The following ATXN2 variants were observed in gnomAD, a reference collection of about 807,000 sequenced individuals.
The protein encoded by ATXN2 is ataxin-2.
A neutral mutation model predicts 138.6 loss-of-function variants in ATXN2; 37 were observed. That is an observed-to-expected ratio of 0.27 (90% CI 0.21 to 0.35). The LOEUF is 0.35. Among genes scored for constraint, ATXN2 ranks in the 10% least tolerant of loss-of-function variants. The pLI is 1.00. For missense variants in ATXN2, 1,216 were observed against 1,480.3 expected (o/e 0.82, Z 2.93); for synonymous variants, 549 against 543.7 (o/e 1.01, Z -0.13).
chr12:111,592,296 CAGG>C (rs1445842522), intron 1 of ATXN2, among the ~76,000 whole-genome samples: 1 of 151,596 alleles, frequency 6.6e-6, no homozygotes, highest in African/African-American at 2.4e-5. Flanking sequence ...AGGGCTAAGG[CAGG>C]AGAATTGCTT....
chr12:111,525,113 A>C, intron 6 of ATXN2, 79 bp downstream of exon 6: 1 of 1,502,886 alleles, frequency 6.7e-7, no homozygotes. Context: ...ACAACAACAA[A>C]AGCACATTTA....
intron 21 of ATXN2, among the ~76,000 whole-genome samples, chr12:111,464,247 G>GGTGTGTGTGTGTGTGTGTGTGTGT (rs57717176): frequency 1.5e-5 from 2 of 134,630 alleles, no homozygotes; most frequent in African/African-American, 5.8e-5. Flanking sequence ...TGTGGCTTGG[G>GGTGTGTGTGTGTGTGTGTGTGTGT]GTGTGTGTGT....
intron 1 of ATXN2, chr12:111,581,557 G>C (rs962031821): frequency 1.1e-6 from 1 of 950,104 alleles, no homozygotes; most frequent in Non-Finnish European, 1.7e-6. Context: ...ATGTCGTCTG[G>C]TCCCTGTTCA....
intron 1 of ATXN2, among the ~76,000 whole-genome samples, chr12:111,578,922 GTC>G (rs1883832635): frequency 6.6e-6 from 1 of 151,800 alleles, no homozygotes; most frequent in South Asian, 2.1e-4. Flanking sequence ...CATGCCTGTG[GTC>G]CCAGCCAGGA....
intron 23 of ATXN2, 144 bp downstream of exon 23, chr12:111,455,885 G>C: frequency 1.2e-6 from 1 of 809,506 alleles, no homozygotes; most frequent in East Asian, 2.5e-5. Context: ...CTTAGGGCCA[G>C]ATCACGTGTA....
intron 1 of ATXN2, among the ~76,000 whole-genome samples, chr12:111,573,497 T>C (rs968549558): frequency 2.0e-5 from 3 of 152,212 alleles, no homozygotes; most frequent in East Asian, 1.9e-4. Context: ...CTCCCAGCCT[T>C]CTTCACTGAT....
intron 1 of ATXN2, among the ~76,000 whole-genome samples, chr12:111,579,607 C>A (rs143804395): frequency 9.2e-5 from 14 of 151,960 alleles, no homozygotes; most frequent in Non-Finnish European, 1.5e-4. Flanking sequence ...TCAATGTCCA[C>A]CACTAGATGA....
At chr12:111,467,594 G>A (rs1876115103) in intron 20 of ATXN2, among the ~76,000 whole-genome samples, 3 of 152,182 alleles carry the variant, frequency 2.0e-5, no homozygotes, top group South Asian at 4.1e-4. Context: ...AACTGCAGGA[G>A]AGTAGTTCAG....
chr12:111,474,026 T>C (rs1876612207), intron 18 of ATXN2, among the ~76,000 whole-genome samples: 1 of 152,180 alleles, frequency 6.6e-6, no homozygotes, highest in African/African-American at 2.4e-5. Context: ...GGCAGACTGC[T>C]TGAGCTCAGG....
At chr12:111,584,001 C>T (rs530211883) in intron 1 of ATXN2, among the ~76,000 whole-genome samples, 5 of 151,960 alleles carry the variant, frequency 3.3e-5, no homozygotes, top group Non-Finnish European at 7.4e-5. Flanking sequence ...TAGATATAAC[C>T]TCAAAACTCT....
intron 1 of ATXN2, chr12:111,597,808 C>T: frequency 8.1e-7 from 1 of 1,241,408 alleles, no homozygotes; most frequent in East Asian, 5.6e-5. Context: ...CCTAGCATTT[C>T]CGAAATTGGG....
At chr12:111,519,419 TA>T (rs1880034979) in intron 8 of ATXN2, among the ~76,000 whole-genome samples, 1 of 152,162 alleles carries the variant, frequency 6.6e-6, no homozygotes, top group African/African-American at 2.4e-5. Context: ...CATCAGGTGA[TA>T]AACTCTTCTC....
intron 14 of ATXN2, among the ~76,000 whole-genome samples, chr12:111,507,357 C>A (rs1199794972): frequency 4.0e-5 from 6 of 150,384 alleles, no homozygotes; most frequent in Non-Finnish European, 7.4e-5. Context: ...CTGGCCGCCC[C>A]GTCTGAGAAG....
intron 15 of ATXN2, among the ~76,000 whole-genome samples, chr12:111,487,389 A>G (rs1382401838): frequency 1.3e-5 from 2 of 151,958 alleles, no homozygotes; most frequent in African/African-American, 4.8e-5. Flanking sequence ...CAAACACTTG[A>G]GCTGAAAAGA....
intron 18 of ATXN2, among the ~76,000 whole-genome samples, chr12:111,474,066 C>T (rs1184964153): frequency 6.6e-6 from 1 of 152,102 alleles, no homozygotes; most frequent in Non-Finnish European, 1.5e-5. Flanking sequence ...ACAAAAAATA[C>T]AAAAATTAGC....
intron 14 of ATXN2, among the ~76,000 whole-genome samples, chr12:111,503,659 G>A (rs1336337976): frequency 9.4e-5 from 14 of 149,686 alleles, no homozygotes; most frequent in Non-Finnish European, 1.6e-4. Flanking sequence ...ATGCAATCTC[G>A]GATCACTGCA....
intron 1 of ATXN2, among the ~76,000 whole-genome samples, chr12:111,590,400 G>A (rs555101900): frequency 4.3e-4 from 65 of 152,082 alleles, no homozygotes. Flanking sequence ...AAACAAGCCT[G>A]TTAGGGGGCC....
At chr12:111,531,775 G>A (rs1034470938) in intron 5 of ATXN2, among the ~76,000 whole-genome samples, 3 of 152,318 alleles carry the variant, frequency 2.0e-5, no homozygotes. Flanking sequence ...TGACAAAAGA[G>A]GACTGTGGGG....
chr12:111,492,537 C>T (rs1878104332), intron 14 of ATXN2, among the ~76,000 whole-genome samples: 1 of 152,142 alleles, frequency 6.6e-6, no homozygotes, highest in African/African-American at 2.4e-5. Context: ...CAAAAATTAG[C>T]CAGGCGTGGT....
Sources: gnomAD v4.1 joint callset for allele counts (sites outside exome capture counted in the v4.1 genomes callset) on GRCh38, gnomAD v4.1.1 for gene constraint, MANE v1.5 for transcripts, NCBI Gene and HGNC (gene_info 2026-07-23, HGNC 2026-07-21) for gene names.